CDK7: variants seen among roughly 807,000 people sequenced by gnomAD.
CDK7 encodes the protein cyclin dependent kinase 7, also known as cyclin-dependent kinase 7.
CDK7 carries 25 observed loss-of-function variants against 49.1 expected under a neutral mutation model. The observed-to-expected ratio is 0.51, with a 90% CI of 0.37 to 0.71. The LOEUF (loss-of-function observed/expected upper bound fraction) is 0.71, where lower values mean the gene tolerates loss of function less well. Ranked by LOEUF, CDK7 falls within the 30% of genes least tolerant of loss-of-function variation. CDK7 has a pLI of 0.00. For synonymous variants in CDK7, 107 were observed against 140.0 expected (o/e 0.76, Z 1.67); for missense variants, 316 against 411.7 (o/e 0.77, Z 2.01).
intron 8 of CDK7, among the ~76,000 whole-genome samples, chr5:69,264,179 A>G (rs1751000030): frequency 6.6e-6 from 1 of 152,340 alleles, no homozygotes; most frequent in Non-Finnish European, 1.5e-5. Flanking sequence ...AAGAAAATTC[A>G]CCGCCCCCAG....
chr5:69,277,188 T>A lies in CDK7; in HGVS notation c.*53T>A. ...TGAGGGAAATAGCCAAAAAGGCAAA[T>A]AATGGAAAAATAGTAAACATTAAGT... On this transcript the variant is annotated 3_prime_UTR_variant, in exon 12 of 12. Coordinates refer to ENST00000256443, the MANE Select transcript of CDK7 (RefSeq NM_001799.4). 7.3e-7 allele frequency: 1 copy of A among 1,366,060 alleles called. No individual in the cohort carries two copies. Among genetic ancestry groups the A allele is most frequent in the Non-Finnish European group, 1.0e-6 (1 of 985,882 alleles). 84.6% of individuals were successfully genotyped at this position (1,366,060 alleles called of 1,614,324 possible).
chr5:69,254,616 G>T lies in CDK7; in HGVS notation c.175G>T (p.Ala59Ser). The T allele has an allele frequency of 1.3e-6, 2 of 1,498,286 alleles. No individual in the cohort carries two copies. The highest frequency in any genetic ancestry group is 9.3e-7 in the Non-Finnish European group (1 of 1,075,736). 92.8% of individuals were successfully genotyped at this position (1,498,286 alleles called of 1,614,324 possible). The change falls in exon 4 of 12, where the codon GCC becomes TCC. Residue 59 changes from alanine to serine, a missense_variant. Ala to Ser is a moderately conservative substitution (Grantham distance 99, BLOSUM62 1). Coordinates refer to ENST00000256443, the MANE Select transcript of CDK7 (RefSeq NM_001799.4). ...TTTTTATATAGGTATAAATAGAACCGCCTTAAGAGAGATAAAATTATTACA... is the reference window on the plus strand; with the variant it reads ...TTTTTATATAGGTATAAATAGAACCTCCTTAAGAGAGATAAAATTATTACA... The part of the protein sequence containing the change: ...SEAKDGINRT[A>S]LREIKLLQEL...
At chr5:69,237,123 C>T (rs544269206) in intron 2 of CDK7, among the ~76,000 whole-genome samples, 1 of 152,034 alleles carries the variant, frequency 6.6e-6, no homozygotes, top group East Asian at 1.9e-4. Context: ...GAGGAGGTCT[C>T]ACTCTGTCGC....
intron 2 of CDK7, among the ~76,000 whole-genome samples, chr5:69,252,078 C>A (rs1247162838): frequency 6.6e-6 from 1 of 152,076 alleles, no homozygotes; most frequent in Non-Finnish European, 1.5e-5. Flanking sequence ...TCCCAAGTAG[C>A]CTAATTTGAA....
chr5:69,235,328 T>C (rs1046887532), intron 1 of CDK7, 66 bp from the exon 2 acceptor site: 6 of 1,258,928 alleles, frequency 4.8e-6, no homozygotes, highest in Non-Finnish European at 6.9e-6. Flanking sequence ...TCGCGAAATG[T>C]AAAAATGCAA....
chr5:69,252,271 A>G (rs1750190860), intron 2 of CDK7, 147 bp from the exon 3 acceptor site: 5 of 604,406 alleles, frequency 8.3e-6, no homozygotes, highest in Admixed American at 3.4e-5. Flanking sequence ...CATGATTCCT[A>G]CTCTCTTTTT....
chr5:69,249,019 A>G (rs1053243949), intron 2 of CDK7, among the ~76,000 whole-genome samples: 2 of 151,622 alleles, frequency 1.3e-5, no homozygotes, highest in Non-Finnish European at 2.9e-5. Flanking sequence ...CTATTTCTGC[A>G]TTTGGGAAGT....
intron 3 of CDK7, 27 bp from the exon 4 acceptor site, chr5:69,254,575 C>A: frequency 1.6e-5 from 15 of 936,132 alleles, no homozygotes; most frequent in Non-Finnish European, 2.4e-5. Context: ...CAGAATTATT[C>A]ACTTTTTGCT....
chr5:69,245,059 G>A (rs143119435), intron 2 of CDK7, among the ~76,000 whole-genome samples: 1,543 of 152,120 alleles, frequency 0.01, 16 homozygotes, highest in Non-Finnish European at 0.014. Flanking sequence ...ATCTTTTTAC[G>A]TATTGTTGAA....
At chr5:69,275,583 G>T (rs571659810) in intron 10 of CDK7, among the ~76,000 whole-genome samples, 1 of 152,100 alleles carries the variant, frequency 6.6e-6, no homozygotes, top group Non-Finnish European at 1.5e-5. Context: ...GAATGATGAC[G>T]TGATGCCACA....
chr5:69,265,721 G>A (rs1041550516), intron 8 of CDK7, among the ~76,000 whole-genome samples: 6 of 151,968 alleles, frequency 3.9e-5, no homozygotes, highest in African/African-American at 1.2e-4. Context: ...ACCCACTTGG[G>A]CAATGTGGTG....
At chr5:69,248,449 A>C (rs1203319035) in intron 2 of CDK7, among the ~76,000 whole-genome samples, 2 of 150,772 alleles carry the variant, frequency 1.3e-5, no homozygotes, top group Non-Finnish European at 3.0e-5. Flanking sequence ...GTGCAATGGC[A>C]TGTCGTTGGC....
At position 69,235,433 on chromosome 5, in the gene CDK7, C is replaced by A; in HGVS notation, c.106C>A (p.Gln36Lys). Residue 36 changes from glutamine to lysine, a missense_variant, in exon 2 of 12, where the codon CAA becomes AAA. By Grantham distance (53) the Gln-to-Lys change is moderately conservative. Transcript: ENST00000256443. ...VYKARDKNTNQIVAIKKIKLG... is the reference protein window; with the variant it reads ...VYKARDKNTNKIVAIKKIKLG... ...CAAGGCCAGAGATAAGAACACCAACCAAATTGTCGCCATTAAGAAAGTGAG... is the reference window on the plus strand; with the variant it reads ...CAAGGCCAGAGATAAGAACACCAACAAAATTGTCGCCATTAAGAAAGTGAG... 1 of 1,602,650 alleles carries A rather than the reference C, an allele frequency of 6.2e-7. No individual in the cohort carries two copies. Among genetic ancestry groups the A allele is most frequent in the Non-Finnish European group, 8.5e-7 (1 of 1,169,878 alleles).
At position 69,235,463 on chromosome 5, in the gene CDK7, CTTT is replaced by C. The variant is rs754403942; in HGVS notation, c.126+13_126+15del. ...TGTCGCCATTAAGAAAGTGAGTTACCTTTTTATGTTGTTTTTAAGTCTCCTTGA... is the reference window on the plus strand; with the variant it reads ...TGTCGCCATTAAGAAAGTGAGTTACCTTATGTTGTTTTTAAGTCTCCTTGA... On this transcript the variant is annotated intron_variant, in intron 2 of 11. Transcript: ENST00000256443. 6.3e-7 allele frequency: 1 copy of C among 1,575,862 alleles called. No homozygotes were observed. Among genetic ancestry groups the C allele is most frequent in the South Asian group, 1.1e-5 (1 of 90,056 alleles).
At chr5:69,245,394 T>G (rs796990705) in intron 2 of CDK7, among the ~76,000 whole-genome samples, 6 of 149,366 alleles carry the variant, frequency 4.0e-5, no homozygotes, top group Non-Finnish European at 7.4e-5. Flanking sequence ...GGCCCTGGAG[T>G]GCAGTGGCGT....
chr5:69,247,268 C>T (rs1054808412), intron 2 of CDK7, among the ~76,000 whole-genome samples: 2 of 152,110 alleles, frequency 1.3e-5, no homozygotes, highest in African/African-American at 4.8e-5. Context: ...CTGAGTGCTC[C>T]ATTGTTGGGT....
chr5:69,239,367 A>G (rs1205971241), intron 2 of CDK7, among the ~76,000 whole-genome samples: 1 of 152,094 alleles, frequency 6.6e-6, no homozygotes, highest in East Asian at 1.9e-4. Flanking sequence ...CTGGCTTCTT[A>G]GATTTTCTCC....
At chr5:69,246,445 T>C (rs1241198773) in intron 2 of CDK7, among the ~76,000 whole-genome samples, 4 of 152,072 alleles carry the variant, frequency 2.6e-5, no homozygotes, top group Admixed American at 2.0e-4. Context: ...AGAAGTTTAT[T>C]AAAAAGCTCT....
Position 69,276,556 on chromosome 5 carries a change from A to G in CDK7, c.878A>G (p.Lys293Arg), listed in dbSNP as rs763183792. 1.2e-6 allele frequency: 2 copies of G among 1,612,636 alleles called. No homozygotes were observed. The highest frequency in any genetic ancestry group is 2.7e-5 in the African/African-American group (2 of 74,908). Reference sequence around the variant, plus strand: ...TTCTTTTAAAAGGCACTGAAAATGAAGTATTTCAGTAATCGGCCAGGGCCA... The same window carrying G: ...TTCTTTTAAAAGGCACTGAAAATGAGGTATTTCAGTAATCGGCCAGGGCCA... The part of the protein sequence containing the change: ...RITATQALKM[K>R]YFSNRPGPTP... Residue 293 changes from lysine to arginine, a missense_variant, in exon 11 of 12, where the codon AAG (lysine) becomes AGG (arginine). By Grantham distance (26) the Lys-to-Arg change is conservative. Transcript: ENST00000256443.
Sources: allele counts gnomAD v4.1 joint callset (sites outside exome capture counted in the v4.1 genomes callset), GRCh38; gene constraint gnomAD v4.1.1; transcripts MANE v1.5; gene names NCBI Gene and HGNC (gene_info 2026-07-23, HGNC 2026-07-21).